PAPSS2: variants seen among roughly 807,000 people sequenced by gnomAD.
The protein encoded by PAPSS2 is 3'-phosphoadenosine 5'-phosphosulfate synthase 2, also known as bifunctional 3'-phosphoadenosine 5'-phosphosulfate synthase 2.
In PAPSS2, 61 loss-of-function variants were observed where a neutral mutation model predicts 66.5. The observed-to-expected ratio is 0.92, with a 90% CI of 0.75 to 1.14. The LOEUF is 1.14. Ranked by LOEUF, PAPSS2 falls within the 50% of genes most tolerant of loss-of-function variation. PAPSS2 has a pLI of 0.00. For synonymous variants in PAPSS2, 289 were observed against 287.5 expected (o/e 1.01, Z -0.05); for missense variants, 708 against 789.6 (o/e 0.90, Z 1.24).
intron 1 of PAPSS2, among the ~76,000 whole-genome samples, chr10:87,698,799 T>G (rs1853266924): frequency 6.6e-6 from 1 of 152,236 alleles, no homozygotes; most frequent in Non-Finnish European, 1.5e-5. Context: ...GGCAGGACGA[T>G]TGCTTGAGCC....
At chr10:87,707,564 C>CT (rs747152482) in intron 1 of PAPSS2, among the ~76,000 whole-genome samples, 1,422 of 93,936 alleles carry the variant, frequency 0.015, 21 homozygotes, top group Non-Finnish European at 0.019. Flanking sequence ...TCTTTTTTTT[C>CT]TTTTTTTTTT....
chr10:87,715,663 C>A, intron 6 of PAPSS2, 69 bp from the exon 7 acceptor site: 5 of 957,550 alleles, frequency 5.2e-6, no homozygotes, highest in Non-Finnish European at 8.4e-6. Flanking sequence ...TAAGAAAGGA[C>A]TTCCCTGGGG....
intron 1 of PAPSS2, among the ~76,000 whole-genome samples, chr10:87,680,106 T>A (rs1190394277): frequency 1.3e-5 from 2 of 151,394 alleles, no homozygotes; most frequent in East Asian, 1.9e-4. Flanking sequence ...AAGTTATTGA[T>A]CAGGAGGATT....
At chr10:87,675,971 CTTTTT>C (rs5786787) in intron 1 of PAPSS2, among the ~76,000 whole-genome samples, 2 of 127,958 alleles carry the variant, frequency 1.6e-5, no homozygotes, top group Non-Finnish European at 3.3e-5. Flanking sequence ...TTCCACATTT[CTTTTT>C]TTTTTTTTTT....
chr10:87,737,515 T>C (rs1853815326), intron 9 of PAPSS2, among the ~76,000 whole-genome samples: 1 of 152,150 alleles, frequency 6.6e-6, no homozygotes, highest in South Asian at 2.1e-4. Flanking sequence ...AAATGGAAAC[T>C]CTACACCCAT....
rs1410440206 is a variant in PAPSS2 at position 87,663,418 on chromosome 10, A to G, written c.27+3410A>G. On this transcript the variant is annotated intron_variant, in intron 1 of 12. Transcript: ENST00000456849. The stretch of plus-strand genomic sequence containing the variant: ...TGAGCCACTGCCCCCAGCCAGAAGT[A>G]ATTACTTTTAAAACTATATAAAGAC... Among the ~76,000 whole-genome samples the G allele has an allele frequency of 2.0e-5, 3 of 152,062 alleles. No individual in the cohort carries two copies. In the East Asian group the frequency reaches 5.8e-4, roughly 29 times the overall value.
chr10:87,702,017 TACTC>T (rs1444479221), intron 1 of PAPSS2, among the ~76,000 whole-genome samples: 1 of 152,242 alleles, frequency 6.6e-6, no homozygotes, highest in Non-Finnish European at 1.5e-5. Context: ...TAAGTTTTGA[TACTC>T]AATAATTTCA....
At position 87,741,265 on chromosome 10, in the gene PAPSS2, G is replaced by T; in HGVS notation, c.1117G>T (p.Gly373Cys). The change falls in exon 10 of 13, where the codon GGT becomes TGT. Residue 373 changes from glycine to cysteine, a missense_variant. Coordinates refer to ENST00000456849, the MANE Select transcript of PAPSS2 (RefSeq NM_001015880.2). The stretch of plus-strand genomic sequence containing the variant: ...GATGGAAAGTGGGGACTGGCTGGTT[G>T]GTGGAGACCTTCAGGTGCTGGAGAA... The part of the protein sequence containing the change: ...MVMESGDWLV[G>C]GDLQVLEKIR... The T allele has an allele frequency of 6.2e-7, 1 of 1,613,722 alleles. No individual in the cohort carries two copies. The highest frequency in any genetic ancestry group is 1.6e-4 in the Middle Eastern group (1 of 6,062).
At chr10:87,666,696 T>C (rs898406201) in intron 1 of PAPSS2, among the ~76,000 whole-genome samples, 1 of 152,158 alleles carries the variant, frequency 6.6e-6, no homozygotes, top group Non-Finnish European at 1.5e-5. Flanking sequence ...TTTCATGCTC[T>C]CCTGGGTACC....
chr10:87,728,476 A>C (rs1260541343), intron 9 of PAPSS2, among the ~76,000 whole-genome samples: 1 of 152,174 alleles, frequency 6.6e-6, no homozygotes, highest in Non-Finnish European at 1.5e-5. Context: ...GCGGTGGCTC[A>C]CGCCTGTAAT....
At position 87,713,076 on chromosome 10, in the gene PAPSS2, T is replaced by A; in HGVS notation, c.147T>A (p.Gly49=). 6.3e-7 allele frequency: 1 copy of A among 1,589,896 alleles called. No individual in the cohort carries two copies. The part of the protein sequence containing the change: ...GFRGCTVWLT[G]LSGAGKTTIS... ...GTCTGTTTTATCTGTTCTGAACAGG[T>A]CTCTCTGGTGCTGGAAAAACAACGA... The change falls in exon 3 of 13, where the codon GGT becomes GGA. Residue 49 remains glycine, a splice_region_variant and synonymous_variant. Transcript: ENST00000456849.
intron 8 of PAPSS2, among the ~76,000 whole-genome samples, chr10:87,726,216 G>A (rs1240439965): frequency 6.6e-6 from 1 of 152,170 alleles, no homozygotes; most frequent in Admixed American, 6.5e-5. Context: ...CAGATCATGA[G>A]GTCAAGAGAT....
At chr10:87,703,274 T>C (rs941449536) in intron 1 of PAPSS2, among the ~76,000 whole-genome samples, 1 of 100,876 alleles carries the variant, frequency 9.9e-6, no homozygotes. Context: ...ACAACAACAT[T>C]GCGTGTGTGT....
chr10:87,711,481 C>T (rs1853461855), intron 2 of PAPSS2, among the ~76,000 whole-genome samples: 1 of 152,208 alleles, frequency 6.6e-6, no homozygotes, highest in African/African-American at 2.4e-5. Flanking sequence ...CATGAGAGAA[C>T]ACACCAGAGA....
rs200344528 is a variant in PAPSS2 at position 87,713,043 on chromosome 10, C to T, written c.146-32C>T. Reference sequence around the variant, plus strand: ...ATTTGTCATCTTAAACTATCCAGGCCGATGTCAGTCTGTTTTATCTGTTCT... The same window carrying T: ...ATTTGTCATCTTAAACTATCCAGGCTGATGTCAGTCTGTTTTATCTGTTCT... On this transcript the variant is annotated intron_variant, in intron 2 of 12. Transcript: ENST00000456849. 2.3e-4 allele frequency: 275 copies of T among 1,188,422 alleles called. No individual in the cohort carries two copies. The East Asian group carries it at 5.8e-3, about 25-fold the overall frequency. The allele number at this position is 1,188,422 out of a possible 1,614,324, so 73.6% of individuals were successfully genotyped here.
At chr10:87,678,430 C>T (rs887004615) in intron 1 of PAPSS2, among the ~76,000 whole-genome samples, 20 of 152,048 alleles carry the variant, frequency 1.3e-4, no homozygotes, top group Admixed American at 3.3e-4. Context: ...ACACCTAAAA[C>T]GAAAATAGAC....
intron 1 of PAPSS2, among the ~76,000 whole-genome samples, chr10:87,695,281 C>T (rs1392840585): frequency 1.3e-5 from 2 of 152,210 alleles, no homozygotes; most frequent in African/African-American, 4.8e-5. Context: ...TGTGGGGCCT[C>T]TTCATAAGAG....
chr10:87,665,569 T>G (rs1852806091), intron 1 of PAPSS2, among the ~76,000 whole-genome samples: 1 of 152,200 alleles, frequency 6.6e-6, no homozygotes, highest in South Asian at 2.1e-4. Context: ...ATTTTGCACA[T>G]GAGAGCCAGC....
At chr10:87,685,915 C>T (rs1853082697) in intron 1 of PAPSS2, among the ~76,000 whole-genome samples, 1 of 152,138 alleles carries the variant, frequency 6.6e-6, no homozygotes, top group Non-Finnish European at 1.5e-5. Context: ...ATGAGATGTT[C>T]TATTTCTGCA....
Sources: allele counts gnomAD v4.1 joint callset (sites outside exome capture counted in the v4.1 genomes callset), GRCh38; gene constraint gnomAD v4.1.1; transcripts MANE v1.5; gene names NCBI Gene and HGNC (gene_info 2026-07-23, HGNC 2026-07-21).